The following ALDH4A1 variants were observed in gnomAD, a reference collection of about 807,000 sequenced individuals.
The protein encoded by ALDH4A1 is delta-1-pyrroline-5-carboxylate dehydrogenase, mitochondrial.
Under a neutral mutation model 70.5 loss-of-function variants are expected in ALDH4A1, and 46 were observed. The observed-to-expected ratio is 0.65, with a 90% CI of 0.51 to 0.83. The LOEUF (loss-of-function observed/expected upper bound fraction) is 0.83. Among genes scored for constraint, ALDH4A1 ranks in the 40% least tolerant of loss-of-function variants. ALDH4A1 has a pLI of 0.00. For synonymous variants in ALDH4A1, 323 were observed against 324.3 expected (o/e 1.00, Z 0.04); for missense variants, 749 against 766.5 (o/e 0.98, Z 0.27).
chr1:18,877,449 C>A lies in ALDH4A1; in HGVS notation c.1104G>T (p.Leu368=), dbSNP rs928657634. 3 of 1,589,516 alleles carry A rather than the reference C, an allele frequency of 1.9e-6. No homozygotes were observed. The African/African-American group carries it at 4.0e-5, about 21-fold the overall frequency. The part of the protein sequence containing the change: ...HSLWPQIKGR[L]LEEHSRIKVG... The stretch of plus-strand genomic sequence containing the variant: ...CTTTGATCCGACTGTGCTCCTCCAG[C>A]AGCCGCCCTTTGATCTGCGGCCACA... Residue 368 remains leucine, a synonymous_variant, in exon 10 of 15, where the codon CTG becomes CTT. Transcript: ENST00000375341.
At position 18,871,790 on chromosome 1, in the gene ALDH4A1, T is replaced by A. The variant is rs181122436; in HGVS notation, c.*1055A>T. 1 of 152,248 alleles carries A rather than the reference T, an allele frequency of 6.6e-6. No homozygotes were observed. Among genetic ancestry groups the A allele is most frequent in the Non-Finnish European group, 1.5e-5 (1 of 68,058 alleles). 9.4% of individuals were successfully genotyped at this position (152,248 alleles called of 1,614,324 possible). ...CCACTCAGAATCCAAGCAGGAGGCA[T>A]CTGTGGGAGGAATCGTGGTCACAGA... On this transcript the variant is annotated 3_prime_UTR_variant, in exon 15 of 15. Transcript: ENST00000375341.
At chr1:18,890,538 A>C (rs1196727713) in intron 1 of ALDH4A1, among the ~76,000 whole-genome samples, 1 of 151,750 alleles carries the variant, frequency 6.6e-6, no homozygotes, top group Non-Finnish European at 1.5e-5. Flanking sequence ...GAGAGCGAAA[A>C]ACTCCATCTC....
intron 8 of ALDH4A1, among the ~76,000 whole-genome samples, 169 bp from the exon 9 acceptor site, chr1:18,879,542 G>C (rs1187748500): frequency 6.6e-6 from 1 of 152,202 alleles, no homozygotes; most frequent in East Asian, 1.9e-4. Flanking sequence ...GCGGGCAACG[G>C]GGGGCTAGGC....
chr1:18,878,675 C>A (rs1057063249), intron 9 of ALDH4A1, among the ~76,000 whole-genome samples: 3 of 152,188 alleles, frequency 2.0e-5, no homozygotes, highest in South Asian at 2.1e-4. Flanking sequence ...ACATGGCAGA[C>A]CTTGTCCTTG....
chr1:18,873,048 C>T, intron 14 of ALDH4A1, 91 bp from the exon 15 acceptor site: 2 of 1,156,068 alleles, frequency 1.7e-6, no homozygotes, highest in South Asian at 1.3e-5. Flanking sequence ...AACGGACCAG[C>T]AGTGTAGCGG....
rs370773796 is a variant in ALDH4A1 at position 18,890,100 on chromosome 1, C to G, written c.68G>C (p.Arg23Pro). 6.2e-7 allele frequency: 1 copy of G among 1,611,184 alleles called. No individual in the cohort carries two copies. The highest frequency in any genetic ancestry group is 8.5e-7 in the Non-Finnish European group (1 of 1,179,034). Residue 23 changes from arginine to proline, a missense_variant, in exon 2 of 15, where the codon CGG (arginine) becomes CCG (proline). By Grantham distance (103) the Arg-to-Pro change is moderately radical (BLOSUM62 -2). Coordinates refer to ENST00000375341, the MANE Select transcript of ALDH4A1 (RefSeq NM_003748.4). ...CTTCAGGGAGGAGGTGTGCTTCCAC[C>G]GCAGGCTGGAACACAAGGGCAGGGG... The part of the protein sequence containing the change: ...LSRPWTGAGL[R>P]WKHTSSLKVA...
intron 12 of ALDH4A1, among the ~76,000 whole-genome samples, chr1:18,875,729 T>C (rs1934653029): frequency 6.6e-6 from 1 of 152,104 alleles, no homozygotes; most frequent in Admixed American, 6.5e-5. Context: ...CGGCAAAAGA[T>C]GCAAACATTT....
intron 1 of ALDH4A1, among the ~76,000 whole-genome samples, chr1:18,892,860 C>T (rs951784427): frequency 6.6e-6 from 1 of 152,164 alleles, no homozygotes; most frequent in African/African-American, 2.4e-5. Context: ...TTAAAATCTG[C>T]ACGGCCCTCT....
chr1:18,873,913 T>C (rs1934559080), intron 14 of ALDH4A1, among the ~76,000 whole-genome samples: 2 of 152,324 alleles, frequency 1.3e-5, no homozygotes, highest in Admixed American at 6.5e-5. Context: ...GTACTTGTGA[T>C]TGGCATCTGA....
chr1:18,877,521 A>G lies in ALDH4A1; in HGVS notation c.1032T>C (p.Gly344=). The G allele has an allele frequency of 6.2e-7, 1 of 1,611,418 alleles. No individual in the cohort carries two copies. The highest frequency in any genetic ancestry group is 8.5e-7 in the Non-Finnish European group (1 of 1,179,198). Residue 344 remains glycine, a synonymous_variant, in exon 10 of 15, where the codon GGT becomes GGC. Transcript: ENST00000375341. ...GCGAGCACGCGGAACACTTCTGGCC[A>G]CCGTACTCGAAGGCTGAGCGGAGGG... is the stretch of plus-strand genomic sequence containing the variant. The part of the protein sequence containing the change: ...SGTLRSAFEY[G]GQKCSACSRL...
intron 14 of ALDH4A1, 130 bp downstream of exon 14, chr1:18,874,333 C>T (rs1357557675): frequency 3.6e-6 from 3 of 834,588 alleles, no homozygotes; most frequent in Non-Finnish European, 4.0e-6. Context: ...TGAGCTAGTG[C>T]ACTTGCTTGG....
chr1:18,890,399 G>A (rs1935390520), intron 1 of ALDH4A1, among the ~76,000 whole-genome samples: 1 of 152,220 alleles, frequency 6.6e-6, no homozygotes, highest in African/African-American at 2.4e-5. Flanking sequence ...TTAAACGTTA[G>A]CCAGGTGTGG....
intron 3 of ALDH4A1, among the ~76,000 whole-genome samples, chr1:18,888,804 A>C (rs1935322998): frequency 6.6e-6 from 1 of 152,244 alleles, no homozygotes; most frequent in African/African-American, 2.4e-5. Flanking sequence ...GGGAACCTTC[A>C]GAGTGGGGGA....
At chr1:18,877,371 A>T in intron 10 of ALDH4A1, 45 bp downstream of exon 10, 1 of 1,552,812 alleles carries the variant, frequency 6.4e-7, no homozygotes, top group Non-Finnish European at 8.7e-7. Context: ...ACCCAATCCC[A>T]TCAGCCCCCC....
At chr1:18,888,881 G>T (rs1439271704) in intron 3 of ALDH4A1, among the ~76,000 whole-genome samples, 1 of 152,232 alleles carries the variant, frequency 6.6e-6, no homozygotes, top group Non-Finnish European at 1.5e-5. Context: ...GCCGGACAGA[G>T]CCAGAATGTG....
Position 18,872,729 on chromosome 1 carries a change from G to T in ALDH4A1, c.*116C>A. The T allele has an allele frequency of 1.3e-6, 1 of 783,976 alleles. No individual in the cohort carries two copies. The highest frequency in any genetic ancestry group is 2.1e-6 in the Non-Finnish European group (1 of 465,634). The allele number at this position is 783,976 out of a possible 1,614,324, so 48.6% of individuals were successfully genotyped here. ...AGTGGTAAGAAGGGAGTCAAGCCCGGATTATAGAAAGGCAGCTGTGCATGA... is the reference window on the plus strand; with the variant it reads ...AGTGGTAAGAAGGGAGTCAAGCCCGTATTATAGAAAGGCAGCTGTGCATGA... On this transcript the variant is annotated 3_prime_UTR_variant, in exon 15 of 15. Coordinates refer to ENST00000375341, the MANE Select transcript of ALDH4A1 (RefSeq NM_003748.4).
intron 7 of ALDH4A1, 48 bp downstream of exon 7, chr1:18,883,076 C>A: frequency 6.2e-7 from 1 of 1,611,242 alleles, no homozygotes; most frequent in Non-Finnish European, 8.5e-7. Flanking sequence ...TCTGTTGGGA[C>A]CAGGAGGACA....
At chr1:18,876,910 G>A (rs1209740337) in intron 11 of ALDH4A1, among the ~76,000 whole-genome samples, 1 of 152,172 alleles carries the variant, frequency 6.6e-6, no homozygotes, top group African/African-American at 2.4e-5. Flanking sequence ...TACATGTGGA[G>A]CCACACGGAG....
rs1295053571 is a variant in ALDH4A1 at position 18,877,252 on chromosome 1, C to A, written c.1141G>T (p.Ala381Ser). The A allele has an allele frequency of 6.2e-7, 1 of 1,605,826 alleles. No homozygotes were observed. Among genetic ancestry groups the A allele is most frequent in the East Asian group, 2.3e-5 (1 of 44,366 alleles). The change falls in exon 11 of 15, where the codon GCA becomes TCA. Residue 381 changes from alanine to serine, a missense_variant. Ala to Ser is a moderately conservative substitution (Grantham distance 99). Transcript: ENST00000375341. ...GAGAAGAAGGTCCCAAAATCCTCTG[C>A]AGGCTGGAGGCAAGGGAGGCGCCAG... ...EHSRIKVGDP[A>S]EDFGTFFSAV...
Sources: allele counts gnomAD v4.1 joint callset (sites outside exome capture counted in the v4.1 genomes callset), GRCh38; gene constraint gnomAD v4.1.1; transcripts MANE v1.5; gene names NCBI Gene and HGNC (gene_info 2026-07-23, HGNC 2026-07-21).